Variants in PDZRN3 observed in about 807,000 individuals in gnomAD.
PDZRN3 encodes the protein E3 ubiquitin-protein ligase PDZRN3.
PDZRN3 carries 38 observed loss-of-function variants against 85.7 expected under a neutral mutation model. The ratio of observed to expected loss-of-function variants is 0.44; its 90% CI spans 0.34 to 0.58. The LOEUF (loss-of-function observed/expected upper bound fraction) is 0.58, where lower values mean the gene tolerates loss of function less well. Ranked by LOEUF, PDZRN3 falls within the 20% of genes least tolerant of loss-of-function variation. PDZRN3 has a pLI of 0.01. For missense variants in PDZRN3, 1,629 were observed against 1,506.4 expected (o/e 1.08, Z -1.35); for synonymous variants, 759 against 638.0 (o/e 1.19, Z -2.86).
At chr3:73,465,550 G>T (rs1575672295) in intron 3 of PDZRN3, among the ~76,000 whole-genome samples, 1 of 152,174 alleles carries the variant, frequency 6.6e-6, no homozygotes, top group Non-Finnish European at 1.5e-5. Flanking sequence ...AGAAGTTGAT[G>T]AACAAGATCT....
chr3:73,438,390 T>C (rs866772314), intron 3 of PDZRN3, among the ~76,000 whole-genome samples: 2 of 152,258 alleles, frequency 1.3e-5, no homozygotes, highest in Non-Finnish European at 2.9e-5. Context: ...AGCATACTGA[T>C]TGGATTGTCT....
chr3:73,585,274 G>A (rs1027369503), intron 3 of PDZRN3, among the ~76,000 whole-genome samples: 28 of 152,070 alleles, frequency 1.8e-4, no homozygotes, highest in African/African-American at 6.0e-4. Flanking sequence ...TGGTCTCTTC[G>A]TTTATATTAA....
chr3:73,488,612 C>A (rs1273520330), intron 3 of PDZRN3, among the ~76,000 whole-genome samples: 2 of 152,188 alleles, frequency 1.3e-5, no homozygotes, highest in Admixed American at 1.3e-4. Flanking sequence ...TTTGTCCTGA[C>A]CTCTTTGTTT....
chr3:73,449,077 C>A (rs1469067709), intron 3 of PDZRN3, among the ~76,000 whole-genome samples: 1 of 152,104 alleles, frequency 6.6e-6, no homozygotes. Context: ...GGGAAGAAAT[C>A]ACAGATAATT....
At chr3:73,523,470 C>T (rs1704446721) in intron 3 of PDZRN3, among the ~76,000 whole-genome samples, 1 of 150,900 alleles carries the variant, frequency 6.6e-6, no homozygotes. Flanking sequence ...TATATATGTA[C>T]ACATTAATAT....
chr3:73,448,817 C>T (rs1384095661), intron 3 of PDZRN3, among the ~76,000 whole-genome samples: 3 of 152,186 alleles, frequency 2.0e-5, no homozygotes, highest in African/African-American at 7.2e-5. Context: ...CCAGAGAAGC[C>T]ATGGAAACAC....
chr3:73,393,775 T>C (rs1701578906), intron 5 of PDZRN3, among the ~76,000 whole-genome samples: 1 of 152,224 alleles, frequency 6.6e-6, no homozygotes, highest in Non-Finnish European at 1.5e-5. Flanking sequence ...CTAAAGAATG[T>C]GATAGTGACG....
chr3:73,456,337 A>G (rs945238322), intron 3 of PDZRN3, among the ~76,000 whole-genome samples: 2 of 152,216 alleles, frequency 1.3e-5, no homozygotes, highest in Admixed American at 1.3e-4. Context: ...CTGATATCAC[A>G]GGAGCTTTCA....
intron 1 of PDZRN3, among the ~76,000 whole-genome samples, chr3:73,622,333 G>A (rs556448358): frequency 3.9e-5 from 6 of 152,256 alleles, no homozygotes; most frequent in Non-Finnish European, 8.8e-5. Context: ...GTAAGGAAAG[G>A]GGGCTGGGAG....
chr3:73,411,920 A>G (rs1277866555), intron 3 of PDZRN3, among the ~76,000 whole-genome samples: 3 of 152,192 alleles, frequency 2.0e-5, no homozygotes, highest in African/African-American at 2.4e-5. Flanking sequence ...CACTCTACCT[A>G]TATTTACTCA....
intron 3 of PDZRN3, among the ~76,000 whole-genome samples, chr3:73,536,003 A>C (rs1244642117): frequency 6.6e-6 from 1 of 152,256 alleles, no homozygotes; most frequent in Non-Finnish European, 1.5e-5. Context: ...TGATTTAGAC[A>C]GGTCCCCTTA....
intron 3 of PDZRN3, among the ~76,000 whole-genome samples, chr3:73,485,898 AG>A (rs1703652308): frequency 1.3e-5 from 2 of 152,250 alleles, no homozygotes; most frequent in Non-Finnish European, 2.9e-5. Flanking sequence ...ACCAAAAGGC[AG>A]TCCATATAGC....
intron 3 of PDZRN3, among the ~76,000 whole-genome samples, chr3:73,433,208 G>C (rs1702466351): frequency 6.6e-6 from 1 of 152,222 alleles, no homozygotes; most frequent in Admixed American, 6.5e-5. Context: ...GTCAGCAGAG[G>C]GCTTGGGCTG....
At chr3:73,555,591 A>G (rs956963246) in intron 3 of PDZRN3, among the ~76,000 whole-genome samples, 2 of 152,196 alleles carry the variant, frequency 1.3e-5, no homozygotes, top group African/African-American at 4.8e-5. Context: ...ATGACCTCCA[A>G]TTCCACATTG....
chr3:73,581,982 ACCAGCTAC>A (rs1193423594), intron 3 of PDZRN3, among the ~76,000 whole-genome samples: 1 of 55,922 alleles, frequency 1.8e-5, no homozygotes, highest in Non-Finnish European at 4.7e-5. Context: ...TGCCTGTGGT[ACCAGCTAC>A]CCAGGAGGCT....
intron 3 of PDZRN3, among the ~76,000 whole-genome samples, chr3:73,501,423 C>T (rs1333622289): frequency 6.6e-6 from 1 of 152,138 alleles, no homozygotes; most frequent in Non-Finnish European, 1.5e-5. Flanking sequence ...GCACATCCAT[C>T]CCATCTCCAG....
chr3:73,571,558 G>A (rs1002891213), intron 3 of PDZRN3, among the ~76,000 whole-genome samples: 2 of 152,120 alleles, frequency 1.3e-5, no homozygotes, highest in East Asian at 1.9e-4. Flanking sequence ...AAGTAAACAC[G>A]TTCCACAGGG....
At position 73,570,767 on chromosome 3, in the gene PDZRN3, AAAG is replaced by A. The variant is rs573590283; in HGVS notation, c.918+31584_918+31586del. ...TATCAGGTTTCCAGCAGCACAGAGA[AAAG>A]AGGAGGAGGAGAAGGAGGATGAAGG... On this transcript the variant is annotated intron_variant, in intron 3 of 9. Transcript: ENST00000263666. Among the ~76,000 whole-genome samples the A allele has an allele frequency of 1.4e-3, 216 of 152,228 alleles. 1 individual carries two copies. The highest frequency in any genetic ancestry group is 5.0e-3 in the African/African-American group (208 of 41,530).
chr3:73,480,355 G>A (rs886490888), intron 3 of PDZRN3, among the ~76,000 whole-genome samples: 1 of 152,198 alleles, frequency 6.6e-6, no homozygotes, highest in Non-Finnish European at 1.5e-5. Flanking sequence ...TGAAGCCTCT[G>A]TTGAAATTCA....
Sources: allele counts gnomAD v4.1 joint callset (sites outside exome capture counted in the v4.1 genomes callset), GRCh38; gene constraint gnomAD v4.1.1; transcripts MANE v1.5; gene names NCBI Gene and HGNC (gene_info 2026-07-23, HGNC 2026-07-21).